RIMKLB: variants seen among roughly 807,000 people sequenced by gnomAD.
RIMKLB encodes the protein ribosomal modification protein rimK like family member B.
In RIMKLB, 7 loss-of-function variants were observed where a neutral mutation model predicts 32.0. That is an observed-to-expected ratio of 0.22 (90% CI 0.12 to 0.41). The LOEUF (loss-of-function observed/expected upper bound fraction) is 0.41, where lower values mean the gene tolerates loss of function less well. Among genes scored for constraint, RIMKLB ranks in the 10% least tolerant of loss-of-function variants. RIMKLB has a pLI of 1.00. For missense variants in RIMKLB, 289 were observed against 498.7 expected (o/e 0.58, Z 4.00); for synonymous variants, 172 against 185.1 (o/e 0.93, Z 0.57).
At position 8,764,909 on chromosome 12, in the gene RIMKLB, C is replaced by T. The variant is rs769673636; in HGVS notation, c.698-8412C>T. 2.0e-5 allele frequency among the ~76,000 whole-genome samples: 3 copies of T among 150,996 alleles called. No homozygotes were observed. In the South Asian group the frequency reaches 6.4e-4, roughly 32 times the overall value. The stretch of plus-strand genomic sequence containing the variant: ...TCTGTTCCAGAGCCTCCAAAGTCTG[C>T]TTGCCTGAGGGCCATGACTAAAGCA... On this transcript the variant is annotated intron_variant, in intron 5 of 5. Transcript: ENST00000535829.
At chr12:8,681,849 G>A (rs1022398131) in intron 1 of RIMKLB, 1 of 152,144 alleles carries the variant, frequency 6.6e-6, no homozygotes, top group African/African-American at 2.4e-5. Context: ...AATTCTGTGA[G>A]GCATTCTAGC....
chr12:8,729,675 C>T (rs1408276817), intron 2 of RIMKLB, among the ~76,000 whole-genome samples: 2 of 152,130 alleles, frequency 1.3e-5, no homozygotes, highest in African/African-American at 4.8e-5. Context: ...GGGATCTGCC[C>T]TCTTTTGTCC....
At chr12:8,761,180 C>T (rs1190709357) in intron 5 of RIMKLB, among the ~76,000 whole-genome samples, 1 of 132,978 alleles carries the variant, frequency 7.5e-6, no homozygotes, top group Non-Finnish European at 1.6e-5. Flanking sequence ...TCTATCTCTA[C>T]AAAAAATACA....
chr12:8,765,895 C>G (rs909169062), intron 5 of RIMKLB, among the ~76,000 whole-genome samples: 14 of 152,050 alleles, frequency 9.2e-5, no homozygotes, highest in African/African-American at 3.4e-4. Context: ...CTCCATTTGC[C>G]TCTTTTTTTA....
chr12:8,772,525 C>T (rs2095062326), intron 5 of RIMKLB, among the ~76,000 whole-genome samples: 1 of 152,192 alleles, frequency 6.6e-6, no homozygotes, highest in Non-Finnish European at 1.5e-5. Flanking sequence ...ACGGGCCAGT[C>T]TTCTACGGAG....
At chr12:8,729,368 TC>T (rs1946332065) in intron 2 of RIMKLB, among the ~76,000 whole-genome samples, 4 of 151,642 alleles carry the variant, frequency 2.6e-5, no homozygotes, top group Admixed American at 2.0e-4. Flanking sequence ...AAGGTAATCT[TC>T]CCCTGGTGTC....
chr12:8,675,705 T>A, the RIMKLB span, among the ~76,000 whole-genome samples: 248 of 152,342 alleles, frequency 1.6e-3, 8 homozygotes, highest in East Asian at 0.039. Context: ...CAACTTTTTT[T>A]AGACAAGGTT....
rs141230547 is a variant in RIMKLB, at chr12:8,773,859, A to G, written c.*75A>G. The G allele has an allele frequency of 3.4e-5, 52 of 1,522,106 alleles. No homozygotes were observed. The highest frequency in any genetic ancestry group is 1.7e-4 in the South Asian group (13 of 76,850). 94.3% of individuals were successfully genotyped at this position (1,522,106 alleles called of 1,614,324 possible). ...TTTCTATTTTTAAAACCAACTTGCA[A>G]TGCTGTTCATGGAGGATGCTCAGGA... On this transcript the variant is annotated 3_prime_UTR_variant, in exon 6 of 6. Coordinates refer to ENST00000535829, the MANE Select transcript of RIMKLB (RefSeq NM_001297776.2).
intron 5 of RIMKLB, among the ~76,000 whole-genome samples, chr12:8,764,686 G>A (rs780439723): frequency 1.3e-5 from 2 of 152,278 alleles, no homozygotes; most frequent in East Asian, 3.9e-4. Context: ...CCTCAGTCCT[G>A]CTGCTGGATC....
At chr12:8,732,438 A>G (rs987192370) in intron 2 of RIMKLB, among the ~76,000 whole-genome samples, 4 of 152,136 alleles carry the variant, frequency 2.6e-5, no homozygotes, top group Admixed American at 6.6e-5. Flanking sequence ...ATTTCTGTTT[A>G]TGGAGATAGT....
At chr12:8,692,186 T>G (rs1942752543), upstream of RIMKLB, among the ~76,000 whole-genome samples, 1 of 152,214 alleles carries the variant, frequency 6.6e-6, no homozygotes, top group Non-Finnish European at 1.5e-5. Flanking sequence ...AACGATTTAA[T>G]TTCATTGCCT....
chr12:8,680,403 C>T (rs917998940), upstream of RIMKLB, among the ~76,000 whole-genome samples: 1 of 152,232 alleles, frequency 6.6e-6, no homozygotes, highest in Non-Finnish European at 1.5e-5. Context: ...TCGTGATCCG[C>T]CTGCCTCAGC....
intron 5 of RIMKLB, among the ~76,000 whole-genome samples, chr12:8,768,573 G>A (rs1950159659): frequency 6.6e-6 from 1 of 152,148 alleles, no homozygotes; most frequent in Admixed American, 6.5e-5. Context: ...TTAATGTATT[G>A]GGGAGTTTTC....
At chr12:8,684,469 G>A (rs1028523078) in intron 1 of RIMKLB, among the ~76,000 whole-genome samples, 4 of 151,728 alleles carry the variant, frequency 2.6e-5, no homozygotes, top group Middle Eastern at 3.4e-3. Flanking sequence ...CATCACACCC[G>A]GCCTAAATTT....
chr12:8,775,856 C>G lies in RIMKLB; in HGVS notation c.*2072C>G. The G allele has an allele frequency of 1.0e-6, 1 of 985,028 alleles. No homozygotes were observed. Among genetic ancestry groups the G allele is most frequent in the South Asian group, 4.7e-5 (1 of 21,278 alleles). 61.0% of individuals were successfully genotyped at this position (985,028 alleles called of 1,614,324 possible). A position where few individuals can be genotyped will look rare whatever the true frequency, so the allele number is the denominator to read the frequency against. ...GATATTCTAATTGCATTTAAAAGAA[C>G]TTATCTTGCGCAGGGTAAATGGGGG... On this transcript the variant is annotated 3_prime_UTR_variant, in exon 6 of 6. Coordinates refer to ENST00000535829, the MANE Select transcript of RIMKLB (RefSeq NM_001297776.2).
At chr12:8,777,713 T>C, downstream of RIMKLB, 1 of 1,274,050 alleles carries the variant, frequency 7.8e-7, no homozygotes, top group Non-Finnish European at 1.0e-6. Flanking sequence ...TCAGTGCCCT[T>C]CTAAACTCCC....
chr12:8,762,761 C>A (rs1311983628), intron 5 of RIMKLB, among the ~76,000 whole-genome samples: 4 of 152,096 alleles, frequency 2.6e-5, no homozygotes. Context: ...GAGGGGGTTA[C>A]TTTGAAGTAT....
intron 5 of RIMKLB, among the ~76,000 whole-genome samples, chr12:8,761,562 A>G (rs1949527319): frequency 6.6e-6 from 1 of 151,952 alleles, no homozygotes; most frequent in African/African-American, 2.4e-5. Flanking sequence ...ATATGATTTG[A>G]CTATTTCTTT....
At position 8,701,733 on chromosome 12, in the gene RIMKLB, G is replaced by A. The variant is rs1321748030; in HGVS notation, c.-57+3436G>A. 4.6e-5 allele frequency among the ~76,000 whole-genome samples: 7 copies of A among 151,042 alleles called. No homozygotes were observed. The East Asian group carries it at 5.8e-4, about 13-fold the overall frequency. ...TTTAGATTTTACAGGGGCCAGGTGC[G>A]GTGGCTCACACCTGTAATCCCAGCA... On this transcript the variant is annotated intron_variant, in intron 1 of 5. Transcript: ENST00000535829.
Sources: gnomAD v4.1 joint callset for allele counts (sites outside exome capture counted in the v4.1 genomes callset) on GRCh38, gnomAD v4.1.1 for gene constraint, MANE v1.5 for transcripts, NCBI Gene and HGNC (gene_info 2026-07-23, HGNC 2026-07-21) for gene names.